CYLD: variants seen among roughly 807,000 people sequenced by gnomAD.
CYLD encodes ubiquitin carboxyl-terminal hydrolase CYLD.
Under a neutral mutation model 104.5 loss-of-function variants are expected in CYLD, and 26 were observed. That is an observed-to-expected ratio of 0.25 (90% confidence interval 0.18 to 0.35). CYLD has a LOEUF of 0.35. CYLD is among the 10% of genes least tolerant of loss of function. The pLI is 1.00. For missense variants in CYLD, 703 were observed against 1,136.1 expected (o/e 0.62, Z 5.48); for synonymous variants, 385 against 399.9 (o/e 0.96, Z 0.45).
chr16:50,793,664 A>G lies in CYLD; in HGVS notation c.2469A>G (p.Gln823=), dbSNP rs1490998574. The change falls in exon 17 of 19, where the codon CAA becomes CAG. Residue 823 remains glutamine, a splice_region_variant and synonymous_variant. Transcript: ENST00000427738. ...IKQFCKTCNT[Q]VHLHPKRLNH... ...AGTTTTGTAAAACCTGCAACACTCAAGTGAGCTTCCCTTCACTTAATGGAT... is the reference window on the plus strand; with the variant it reads ...AGTTTTGTAAAACCTGCAACACTCAGGTGAGCTTCCCTTCACTTAATGGAT... 2.5e-6 allele frequency: 4 copies of G among 1,588,518 alleles called. No homozygotes were observed. The highest frequency in any genetic ancestry group is 3.5e-6 in the Non-Finnish European group (4 of 1,156,882).
intron 5 of CYLD, among the ~76,000 whole-genome samples, chr16:50,774,118 A>G (rs1969422502): frequency 6.6e-6 from 1 of 152,242 alleles, no homozygotes; most frequent in Admixed American, 6.5e-5. Context: ...ATGGATCTAT[A>G]TCGTGGTATA....
rs1972226980 is a variant in CYLD at position 50,798,515 on chromosome 16, T to TTGA, written c.*2008_*2010dup. On this transcript the variant is annotated 3_prime_UTR_variant, in exon 19 of 19. Coordinates refer to ENST00000427738, the MANE Select transcript of CYLD (RefSeq NM_001378743.1). ...TTCTGTACCATTTTGTATCAGGGAA[T>TTGA]TGAGCATCTTCAGATGTTGGTATCT... 1 of 232,478 alleles carries TTGA rather than the reference T, an allele frequency of 4.3e-6. No homozygotes were observed. Among genetic ancestry groups the TTGA allele is most frequent in the Non-Finnish European group, 8.5e-6 (1 of 117,754 alleles). The allele number at this position is 232,478 out of a possible 1,614,324, so 14.4% of individuals were successfully genotyped here. A position where few individuals can be genotyped will look rare whatever the true frequency, so the allele number is the denominator to read the frequency against.
In CYLD at chr16:50,747,693, T is replaced by G. The variant is rs561792911; in HGVS notation, c.-123-1883T>G. Among the ~76,000 whole-genome samples the G allele has an allele frequency of 5.2e-3, 797 of 152,342 alleles. 7 individuals carry two copies. Among genetic ancestry groups the G allele is most frequent in the African/African-American group, 0.018 (747 of 41,572 alleles). On this transcript the variant is annotated intron_variant, in intron 2 of 18. Transcript: ENST00000427738. ...TTTATATTGTGTCAAGATAGAGGTT[T>G]CCACAGGTGTCTTATATAAGTGGCA...
intron 11 of CYLD, 36 bp downstream of exon 11, chr16:50,782,502 G>T (rs1405106681): frequency 8.1e-6 from 13 of 1,609,612 alleles, no homozygotes; most frequent in Non-Finnish European, 1.1e-5. Flanking sequence ...TATAGATAGT[G>T]CCATGAGGCA....
intron 17 of CYLD, among the ~76,000 whole-genome samples, chr16:50,793,953 TGAGA>T (rs1312580123): frequency 1.4e-5 from 2 of 145,036 alleles, no homozygotes; most frequent in Non-Finnish European, 3.0e-5. Context: ...ACTGAGAGAC[TGAGA>T]GAGACTAATG....
rs1227127989 is a variant in CYLD at position 50,783,930 on chromosome 16, A to G, written c.1827-399A>G. 2.0e-5 allele frequency: 5 copies of G among 246,708 alleles called. No homozygotes were observed. The Admixed American group carries it at 2.5e-4, about 12-fold the overall frequency. The allele number at this position is 246,708 out of a possible 1,614,324, so 15.3% of individuals were successfully genotyped here. A position where few individuals can be genotyped will look rare whatever the true frequency, so the allele number is the denominator to read the frequency against. ...GGGCATGGGGAGAGGGAAGTGGGGCACTGAATAGTGCTTGCCTCGGGAAGT... is the reference window on the plus strand; with the variant it reads ...GGGCATGGGGAGAGGGAAGTGGGGCGCTGAATAGTGCTTGCCTCGGGAAGT... On this transcript the variant is annotated intron_variant, in intron 11 of 18. Coordinates refer to ENST00000427738, the MANE Select transcript of CYLD (RefSeq NM_001378743.1).
At position 50,799,305 on chromosome 16, in the gene CYLD, G is replaced by A. The variant is rs966102023; in HGVS notation, c.*2797G>A. 3.0e-5 allele frequency: 7 copies of A among 233,296 alleles called. No homozygotes were observed. Among genetic ancestry groups the A allele is most frequent in the Admixed American group, 1.1e-4 (2 of 17,784 alleles). 14.5% of individuals were successfully genotyped at this position (233,296 alleles called of 1,614,324 possible). On this transcript the variant is annotated 3_prime_UTR_variant, in exon 19 of 19. Coordinates refer to ENST00000427738, the MANE Select transcript of CYLD (RefSeq NM_001378743.1). ...TAAATATGTGTGTGTCTGTGTGTGT[G>A]TATATATGTATGTGGCGGAGAGGGA...
chr16:50,766,007 T>C (rs960536680), intron 5 of CYLD, among the ~76,000 whole-genome samples: 1 of 152,226 alleles, frequency 6.6e-6, no homozygotes, highest in Non-Finnish European at 1.5e-5. Flanking sequence ...TATCAGAAGA[T>C]CTAGCTAAGT....
intron 16 of CYLD, 48 bp from the exon 17 acceptor site, chr16:50,793,498 A>AT (rs776463257): frequency 2.9e-5 from 37 of 1,259,498 alleles, no homozygotes; most frequent in African/African-American, 8.8e-5. Flanking sequence ...GAAAGAATGC[A>AT]TTTTTTTTAA....
At position 50,796,827 on chromosome 16, in the gene CYLD, G is replaced by A. The variant is rs1972093715; in HGVS notation, c.*319G>A. ...GAAGCATACAATTTTAATTGTGGAA[G>A]TTTAAAGCCTCTTTTAGTCCATTGA... On this transcript the variant is annotated 3_prime_UTR_variant, in exon 19 of 19. Transcript: ENST00000427738. 1 of 395,620 alleles carries A rather than the reference G, an allele frequency of 2.5e-6. No homozygotes were observed. Among genetic ancestry groups the A allele is most frequent in the African/African-American group, 2.0e-5 (1 of 50,096 alleles). The allele number at this position is 395,620 out of a possible 1,614,324, so 24.5% of individuals were successfully genotyped here.
chr16:50,780,822 T>G (rs1970148991), intron 9 of CYLD, among the ~76,000 whole-genome samples: 1 of 151,892 alleles, frequency 6.6e-6, no homozygotes, highest in Non-Finnish European at 1.5e-5. Flanking sequence ...CCTGGCCAAT[T>G]TAAATATATT....
intron 4 of CYLD, among the ~76,000 whole-genome samples, chr16:50,752,637 A>G (rs957064340): frequency 6.6e-6 from 1 of 152,134 alleles, no homozygotes; most frequent in African/African-American, 2.4e-5. Flanking sequence ...CATCATCCCA[A>G]ACCGAAACTC....
chr16:50,751,525 T>G, intron 3 of CYLD, 79 bp from the exon 4 acceptor site: 1 of 1,257,528 alleles, frequency 8.0e-7, no homozygotes, highest in South Asian at 1.4e-5. Flanking sequence ...GTGATTTTCC[T>G]GAAATCCCTA....
chr16:50,777,517 A>T (rs1432025312), intron 7 of CYLD, among the ~76,000 whole-genome samples: 1 of 152,206 alleles, frequency 6.6e-6, no homozygotes, highest in East Asian at 1.9e-4. Flanking sequence ...TTTAGAAATA[A>T]GCTGTGGTAC....
chr16:50,749,577 A>G lies in CYLD; in HGVS notation c.-122A>G, dbSNP rs1966456904. ...TTTTGATTTCCTTTCTTTTTACAGC[A>G]TGGACACCACGTTGCTGAAAACATG... is the stretch of plus-strand genomic sequence containing the variant. On this transcript the variant is annotated splice_region_variant and 5_prime_UTR_variant, in exon 3 of 19. It removes an upstream start codon present in the reference 5' UTR. Coordinates refer to ENST00000427738, the MANE Select transcript of CYLD (RefSeq NM_001378743.1). 4 of 969,956 alleles carry G rather than the reference A, an allele frequency of 4.1e-6. No individual in the cohort carries two copies. The highest frequency in any genetic ancestry group is 3.0e-5 in the South Asian group (2 of 66,776). The allele number at this position is 969,956 out of a possible 1,614,324, so 60.1% of individuals were successfully genotyped here. A position where few individuals can be genotyped will look rare whatever the true frequency, so the allele number is the denominator to read the frequency against.
Position 50,794,204 on chromosome 16 carries a change from C to T in CYLD, c.2470-8C>T. ...GCCTAATGACATTCTTTTCATGGTCCATTTTAGGTCCACCTTCATCCGAAG... is the reference window on the plus strand; with the variant it reads ...GCCTAATGACATTCTTTTCATGGTCTATTTTAGGTCCACCTTCATCCGAAG... On this transcript the variant is annotated splice_polypyrimidine_tract_variant and splice_region_variant and intron_variant, in intron 17 of 18. Coordinates refer to ENST00000427738, the MANE Select transcript of CYLD (RefSeq NM_001378743.1). The surrounding 1 kb of genome is among the most constrained non-coding windows in gnomAD (Gnocchi z 4.1). The T allele has an allele frequency of 6.2e-7, 1 of 1,612,808 alleles. No homozygotes were observed. The highest frequency in any genetic ancestry group is 8.5e-7 in the Non-Finnish European group (1 of 1,179,006).
rs1381368842 is a variant in CYLD, at chr16:50,784,326, C to A, written c.1827-3C>A. On this transcript the variant is annotated splice_region_variant and splice_polypyrimidine_tract_variant and intron_variant, in intron 11 of 18. Transcript: ENST00000427738. The stretch of plus-strand genomic sequence containing the variant: ...GAAGAAAATTATCCTTTTTCTTTTG[C>A]AGCTTATTTGCTTTTAGTTCTGTTC... 6.2e-7 allele frequency: 1 copy of A among 1,612,984 alleles called. No homozygotes were observed. The highest frequency in any genetic ancestry group is 1.3e-5 in the African/African-American group (1 of 75,000).
intron 2 of CYLD, among the ~76,000 whole-genome samples, chr16:50,749,123 G>C (rs1966427758): frequency 6.6e-6 from 1 of 152,132 alleles, no homozygotes; most frequent in South Asian, 2.1e-4. Context: ...GATCACTTGA[G>C]CCTGGAAGGT....
At chr16:50,762,064 C>T (rs1730947142) in intron 5 of CYLD, among the ~76,000 whole-genome samples, 1 of 152,122 alleles carries the variant, frequency 6.6e-6, no homozygotes, top group African/African-American at 2.4e-5. Flanking sequence ...AATTGTGCTA[C>T]ACTACTGTAT....
Sources: allele counts gnomAD v4.1 joint callset (sites outside exome capture counted in the v4.1 genomes callset), GRCh38; gene constraint gnomAD v4.1.1; non-coding constraint Gnocchi (gnomAD v3.1); transcripts MANE v1.5; gene names NCBI Gene and HGNC (gene_info 2026-07-23, HGNC 2026-07-21).